STAU2: variants seen among roughly 807,000 people sequenced by gnomAD.
The protein encoded by STAU2 is double-stranded RNA-binding protein Staufen homolog 2.
In STAU2, 20 loss-of-function variants were observed where a neutral mutation model predicts 65.9. The observed-to-expected ratio is 0.30, with a 90% CI of 0.21 to 0.44. STAU2 has a LOEUF of 0.44. STAU2 is among the 20% of genes least tolerant of loss of function. STAU2 has a pLI of 1.00. For synonymous variants in STAU2, 232 were observed against 233.9 expected, an observed-to-expected ratio of 0.99 and a Z score of 0.07; for missense variants, 558 against 683.9, an observed-to-expected ratio of 0.82 and a Z score of 2.05.
chr8:73,684,494 A>T (rs1357984506), intron 5 of STAU2, among the ~76,000 whole-genome samples: 1 of 152,222 alleles, frequency 6.6e-6, no homozygotes, highest in East Asian at 1.9e-4. Context: ...AAGGCCTGAA[A>T]CCATAAAAAT....
intron 12 of STAU2, among the ~76,000 whole-genome samples, chr8:73,558,447 C>T (rs2128947524): frequency 6.6e-6 from 1 of 152,282 alleles, no homozygotes; most frequent in East Asian, 1.9e-4. Context: ...TATATGAATC[C>T]TCTGGCACAC....
At chr8:73,738,494 T>A in intron 2 of STAU2, 145 bp from the exon 3 acceptor site, 1 of 644,180 alleles carries the variant, frequency 1.6e-6, no homozygotes, top group African/African-American at 1.9e-5. Flanking sequence ...GATAAAAATG[T>A]TCTGTACTTG....
At chr8:73,509,071 T>C (rs996627334) in intron 13 of STAU2, among the ~76,000 whole-genome samples, 6 of 152,206 alleles carry the variant, frequency 3.9e-5, no homozygotes, top group African/African-American at 1.2e-4. Context: ...TTAAAGAAAC[T>C]GCCAAACTAT....
rs1224856412 is a variant in STAU2 at position 73,422,649 on chromosome 8, A to G, written c.1584T>C (p.Asp528=). ...QFSEQGLDPI[D]GAMNIEKGSL... is the part of the protein sequence containing the mutation. Reference sequence around the variant, plus strand: ...AACCTTTTTCGATATTCATTGCTCCATCGATTGGATCCAGTCCTTGTTCAG... The same window carrying G: ...AACCTTTTTCGATATTCATTGCTCCGTCGATTGGATCCAGTCCTTGTTCAG... The change falls in exon 14 of 15, where the codon GAT becomes GAC. Residue 528 remains aspartate (D), a synonymous_variant. Coordinates refer to ENST00000524300, the MANE Select transcript of STAU2 (RefSeq NM_001164380.2). 1 of 1,514,442 alleles carries G rather than the reference A, an allele frequency of 6.6e-7. No homozygotes were observed. The highest frequency in any genetic ancestry group is 1.7e-4 in the Middle Eastern group (1 of 5,948). The allele number at this position is 1,514,442 out of a possible 1,614,324, so 93.8% of individuals were successfully genotyped here.
At chr8:73,430,564 A>T (rs1008134663) in intron 13 of STAU2, among the ~76,000 whole-genome samples, 5 of 152,220 alleles carry the variant, frequency 3.3e-5, no homozygotes, top group African/African-American at 4.8e-5. Flanking sequence ...TAAGAGCCAC[A>T]CTACCTTTAG....
chr8:73,716,300 G>A (rs371444402), intron 3 of STAU2, among the ~76,000 whole-genome samples: 2 of 152,136 alleles, frequency 1.3e-5, no homozygotes, highest in Non-Finnish European at 2.9e-5. Context: ...ATGTTGGACA[G>A]GCCAGTCTCG....
intron 3 of STAU2, among the ~76,000 whole-genome samples, chr8:73,735,083 G>T (rs558623206): frequency 6.6e-6 from 1 of 152,160 alleles, no homozygotes; most frequent in East Asian, 1.9e-4. Flanking sequence ...ACAGGCATGT[G>T]TCACCATATC....
chr8:73,644,206 G>C (rs1275246343), intron 6 of STAU2, among the ~76,000 whole-genome samples: 1 of 152,052 alleles, frequency 6.6e-6, no homozygotes, highest in Non-Finnish European at 1.5e-5. Flanking sequence ...AATTAACAAG[G>C]GAAATTTTTA....
intron 11 of STAU2, among the ~76,000 whole-genome samples, chr8:73,583,560 T>C (rs1810147735): frequency 2.0e-5 from 3 of 152,182 alleles, no homozygotes; most frequent in East Asian, 3.9e-4. Flanking sequence ...CAATCAAACA[T>C]TTCTGTAGAC....
intron 12 of STAU2, among the ~76,000 whole-genome samples, chr8:73,574,043 T>C (rs946354564): frequency 7.9e-5 from 12 of 151,970 alleles, no homozygotes; most frequent in Admixed American, 6.6e-4. Flanking sequence ...ACAAAGAACT[T>C]AAACAAATTT....
chr8:73,723,411 C>A (rs988672152), intron 3 of STAU2, among the ~76,000 whole-genome samples: 2 of 152,176 alleles, frequency 1.3e-5, no homozygotes, highest in Non-Finnish European at 2.9e-5. Context: ...ACTCATTCAA[C>A]TTCTTTATCT....
At chr8:73,697,029 T>C (rs778454327) in intron 4 of STAU2, among the ~76,000 whole-genome samples, 10 of 150,364 alleles carry the variant, frequency 6.7e-5, no homozygotes, top group Middle Eastern at 3.4e-3. Flanking sequence ...CCAATACAAC[T>C]GGCAGCAGAC....
chr8:73,432,603 G>A (rs1817385150), intron 13 of STAU2, among the ~76,000 whole-genome samples: 1 of 152,058 alleles, frequency 6.6e-6, no homozygotes, highest in Non-Finnish European at 1.5e-5. Flanking sequence ...CTTTACGATA[G>A]GCTCTTCAGT....
At chr8:73,475,046 G>A (rs1044608108) in intron 13 of STAU2, among the ~76,000 whole-genome samples, 1 of 152,060 alleles carries the variant, frequency 6.6e-6, no homozygotes, top group African/African-American at 2.4e-5. Context: ...TTTCACTTAC[G>A]CAAAGTACAA....
rs576607483 is a variant in STAU2 at position 73,478,928 on chromosome 8, A to T, written c.1531-56226T>A. On this transcript the variant is annotated intron_variant, in intron 13 of 14. Transcript: ENST00000524300. ...TTAAATTATTAATCAAATATCTACG[A>T]CTTTGGGTAGCTGAATCAGTTGCCT... Among the ~76,000 whole-genome samples the T allele has an allele frequency of 4.9e-4, 74 of 152,270 alleles. 1 individual carries two copies. The South Asian group carries it at 8.5e-3, about 17-fold the overall frequency.
intron 13 of STAU2, among the ~76,000 whole-genome samples, chr8:73,521,059 A>G (rs1370398308): frequency 1.3e-5 from 2 of 152,110 alleles, no homozygotes; most frequent in Admixed American, 1.3e-4. Context: ...GTCTACAATC[A>G]ATATATTATT....
intron 5 of STAU2, among the ~76,000 whole-genome samples, chr8:73,682,397 A>C (rs1818495990): frequency 6.6e-6 from 1 of 151,700 alleles, no homozygotes; most frequent in Non-Finnish European, 1.5e-5. Context: ...CAATGAAATC[A>C]AAATGGAAAT....
At chr8:73,687,300 T>TTATATA (rs1818938001) in intron 5 of STAU2, among the ~76,000 whole-genome samples, 1 of 128,570 alleles carries the variant, frequency 7.8e-6, no homozygotes, top group South Asian at 2.2e-4. Context: ...ATATTTATAT[T>TTATATA]TATAAATATA....
At chr8:73,546,245 G>A (rs1806928792) in intron 13 of STAU2, among the ~76,000 whole-genome samples, 1 of 149,408 alleles carries the variant, frequency 6.7e-6, no homozygotes, top group South Asian at 2.1e-4. Context: ...GGGATTACAG[G>A]CATGAGCCAC....
Sources: allele counts gnomAD v4.1 joint callset (sites outside exome capture counted in the v4.1 genomes callset), GRCh38; gene constraint gnomAD v4.1.1; transcripts MANE v1.5; gene names NCBI Gene and HGNC (gene_info 2026-07-23, HGNC 2026-07-21).